Variants in LRRC4C observed in about 807,000 individuals in gnomAD.
The protein encoded by LRRC4C is leucine rich repeat containing 4C.
A neutral mutation model predicts 33.6 loss-of-function variants in LRRC4C; 5 were observed. The ratio of observed to expected loss-of-function variants is 0.15; its 90% CI spans 0.08 to 0.31. The LOEUF (loss-of-function observed/expected upper bound fraction) is 0.31, where lower values mean the gene tolerates loss of function less well. Among genes scored for constraint, LRRC4C ranks in the 10% least tolerant of loss-of-function variants. The pLI, the probability that LRRC4C is intolerant of heterozygous loss-of-function variation, is 1.00. For missense variants in LRRC4C, 560 were observed against 796.7 expected (o/e 0.70, Z 3.58); for synonymous variants, 329 against 302.0 (o/e 1.09, Z -0.93).
chr11:41,257,684 G>C (rs1299852042), intron 1 of LRRC4C, among the ~76,000 whole-genome samples: 4 of 152,072 alleles, frequency 2.6e-5, no homozygotes, highest in African/African-American at 9.7e-5. Flanking sequence ...GAGCTGGAAG[G>C]TGAAGAGTGA....
intron 1 of LRRC4C, among the ~76,000 whole-genome samples, chr11:40,943,112 T>G (rs1019741899): frequency 2.5e-4 from 38 of 152,156 alleles, no homozygotes; most frequent in Non-Finnish European, 1.0e-4. Context: ...GAAATCACAT[T>G]TATCTCATGG....
At chr11:41,219,689 A>G (rs1036580419) in intron 1 of LRRC4C, among the ~76,000 whole-genome samples, 1 of 152,188 alleles carries the variant, frequency 6.6e-6, no homozygotes, top group East Asian at 1.9e-4. Flanking sequence ...AGTTGGGAAA[A>G]TCACCCGGTG....
chr11:40,424,202 G>A (rs955940378), intron 3 of LRRC4C, among the ~76,000 whole-genome samples: 1 of 152,100 alleles, frequency 6.6e-6, no homozygotes, highest in Non-Finnish European at 1.5e-5. Flanking sequence ...GAGAAACCTG[G>A]AAATGCATTT....
At chr11:40,916,375 T>TG (rs1956958773) in intron 2 of LRRC4C, among the ~76,000 whole-genome samples, 1 of 151,936 alleles carries the variant, frequency 6.6e-6, no homozygotes, top group African/African-American at 2.4e-5. Flanking sequence ...CCATGAAAAA[T>TG]GATGAGTTCA....
intron 4 of LRRC4C, among the ~76,000 whole-genome samples, chr11:40,245,377 G>A (rs956633690): frequency 2.0e-5 from 3 of 152,104 alleles, no homozygotes; most frequent in African/African-American, 7.2e-5. Flanking sequence ...TAAAAACCAT[G>A]GCTTATACTT....
At chr11:41,097,134 A>G (rs1270015334) in intron 1 of LRRC4C, among the ~76,000 whole-genome samples, 1 of 152,264 alleles carries the variant, frequency 6.6e-6, no homozygotes, top group East Asian at 1.9e-4. Flanking sequence ...TTGAAGGCAT[A>G]GGAAACCTGG....
chr11:40,594,619 T>A (rs959075541), intron 3 of LRRC4C, among the ~76,000 whole-genome samples: 13 of 152,212 alleles, frequency 8.5e-5, no homozygotes, highest in Admixed American at 2.6e-4. Context: ...TCCTATTTTT[T>A]AAAAAAATAG....
intron 1 of LRRC4C, among the ~76,000 whole-genome samples, chr11:40,981,802 A>G (rs1288615867): frequency 6.6e-6 from 1 of 152,238 alleles, no homozygotes; most frequent in Non-Finnish European, 1.5e-5. Flanking sequence ...TAGTTACAAT[A>G]TTCCATTAGC....
intron 1 of LRRC4C, among the ~76,000 whole-genome samples, chr11:41,313,740 G>T (rs1950706210): frequency 6.6e-6 from 1 of 152,114 alleles, no homozygotes; most frequent in Non-Finnish European, 1.5e-5. Context: ...AAACAATTTA[G>T]AAAGTGGTAT....
At chr11:41,361,548 T>C (rs965080397) in intron 1 of LRRC4C, among the ~76,000 whole-genome samples, 1 of 152,218 alleles carries the variant, frequency 6.6e-6, no homozygotes, top group African/African-American at 2.4e-5. Context: ...AGTCACTAAT[T>C]TTCTGTAACA....
chr11:40,344,630 T>C (rs185151684), intron 3 of LRRC4C, among the ~76,000 whole-genome samples: 1 of 152,138 alleles, frequency 6.6e-6, no homozygotes, highest in Non-Finnish European at 1.5e-5. Flanking sequence ...ACTATTTCAA[T>C]ACTGTACTGG....
At chr11:41,200,063 G>C (rs916405255) in intron 1 of LRRC4C, among the ~76,000 whole-genome samples, 3 of 152,134 alleles carry the variant, frequency 2.0e-5, no homozygotes, top group African/African-American at 7.2e-5. Flanking sequence ...GTGTGTCTCT[G>C]TTCCTTATTC....
intron 3 of LRRC4C, among the ~76,000 whole-genome samples, chr11:40,449,703 CT>C (rs1951802436): frequency 6.6e-6 from 1 of 152,134 alleles, no homozygotes; most frequent in Non-Finnish European, 1.5e-5. Context: ...ATACTTTTGG[CT>C]AGTGTGACTT....
intron 3 of LRRC4C, among the ~76,000 whole-genome samples, chr11:40,479,895 T>C (rs1161949680): frequency 6.6e-6 from 1 of 152,200 alleles, no homozygotes; most frequent in African/African-American, 2.4e-5. Context: ...GGAAACCTTA[T>C]TTTCTGCATT....
chr11:40,142,201 C>G (rs1857413830), intron 5 of LRRC4C, among the ~76,000 whole-genome samples: 1 of 131,270 alleles, frequency 7.6e-6, no homozygotes. Context: ...ATTGCTTGGA[C>G]TTGGTAGGTA....
intron 4 of LRRC4C, among the ~76,000 whole-genome samples, chr11:40,308,487 T>G (rs112578000): frequency 2.6e-5 from 4 of 152,326 alleles, no homozygotes; most frequent in African/African-American, 9.6e-5. Flanking sequence ...CTTGCAGGTA[T>G]GATTAAGTCA....
At chr11:40,567,742 A>AT (rs1177494611) in intron 3 of LRRC4C, among the ~76,000 whole-genome samples, 5 of 152,256 alleles carry the variant, frequency 3.3e-5, no homozygotes, top group African/African-American at 1.2e-4. Flanking sequence ...CAGATAAGAC[A>AT]TAAGACTTGC....
intron 3 of LRRC4C, among the ~76,000 whole-genome samples, chr11:40,413,797 C>A (rs769957405): frequency 3.3e-5 from 5 of 152,066 alleles, no homozygotes; most frequent in Non-Finnish European, 7.4e-5. Context: ...TTCCCAGGAT[C>A]AGAAATTATG....
intron 2 of LRRC4C, among the ~76,000 whole-genome samples, chr11:40,652,443 C>A (rs1363454292): frequency 6.6e-6 from 1 of 152,188 alleles, no homozygotes; most frequent in Non-Finnish European, 1.5e-5. Context: ...TCTTCTAATT[C>A]TTCAAGTCAC....
Sources: allele counts gnomAD v4.1 joint callset (sites outside exome capture counted in the v4.1 genomes callset), GRCh38; gene constraint gnomAD v4.1.1; transcripts MANE v1.5; gene names NCBI Gene and HGNC (gene_info 2026-07-23, HGNC 2026-07-21).